The following GALP variants were observed in gnomAD, a reference collection of about 807,000 sequenced individuals.
GALP encodes the protein galanin-like peptide.
A neutral mutation model predicts 15.2 loss-of-function variants in GALP; 12 were observed. The observed-to-expected ratio is 0.79, with a 90% CI of 0.51 to 1.28. The LOEUF is 1.28. GALP is among the 50% of genes most tolerant of loss of function. GALP has a pLI of 0.00. For missense variants in GALP, 161 were observed against 145.6 expected, an observed-to-expected ratio of 1.11 and a Z score of -0.55; for synonymous variants, 58 against 55.1, an observed-to-expected ratio of 1.05 and a Z score of -0.23.
intron 5 of GALP, among the ~76,000 whole-genome samples, 162 bp from the exon 6 acceptor site, chr19:56,185,053 C>T (rs929915937): frequency 6.6e-6 from 1 of 152,114 alleles, no homozygotes; most frequent in Non-Finnish European, 1.5e-5. Context: ...GTAATCCCAG[C>T]ACTTTGGGAG....
intron 2 of GALP, among the ~76,000 whole-genome samples, chr19:56,178,521 C>CAAAAAAAAAAAAAAAAAAAA (rs80223966): frequency 8.2e-5 from 7 of 85,772 alleles, no homozygotes; most frequent in South Asian, 4.9e-4. Flanking sequence ...ACAACAACAA[C>CAAAAAAAAAAAAAAAAAAAA]AAAAAAAAAA....
Position 56,185,295 on chromosome 19 carries a change from C to A in GALP, c.*25C>A, listed in dbSNP as rs779405237. ...GATGTCTTCAAATCCCTGTTCCTAT[C>A]CTTCTTCTCCAGCTCCTCCTGCTCC... On this transcript the variant is annotated 3_prime_UTR_variant, in exon 6 of 6. Coordinates refer to ENST00000357330, the MANE Select transcript of GALP (RefSeq NM_033106.4). 1.0e-5 allele frequency: 15 copies of A among 1,480,734 alleles called. No homozygotes were observed. The highest frequency in any genetic ancestry group is 1.4e-5 in the Non-Finnish European group (15 of 1,066,046). The allele number at this position is 1,480,734 out of a possible 1,614,324, so 91.7% of individuals were successfully genotyped here.
At chr19:56,181,304 T>C (rs2032563070) in intron 3 of GALP, among the ~76,000 whole-genome samples, 1 of 151,864 alleles carries the variant, frequency 6.6e-6, no homozygotes, top group African/African-American at 2.4e-5. Flanking sequence ...CATCCGAGAA[T>C]GTTGTGAGGA....
intron 3 of GALP, among the ~76,000 whole-genome samples, chr19:56,181,101 CA>C (rs1476540443): frequency 6.6e-6 from 1 of 151,244 alleles, no homozygotes; most frequent in Non-Finnish European, 1.5e-5. Context: ...CTAATTTTTG[CA>C]TTTTTAGTAG....
In GALP at chr19:56,183,225, AAC is replaced by A. The variant is rs997483920; in HGVS notation, c.295+17_295+18del. On this transcript the variant is annotated intron_variant, in intron 5 of 5. Transcript: ENST00000357330. The stretch of plus-strand genomic sequence containing the variant: ...CCAGAGATTGGAGGTAAAGCCAGGA[AAC>A]ACAGAAGAGAGACACCGACAGGAGA... The A allele has an allele frequency of 1.3e-6, 2 of 1,599,666 alleles. No individual in the cohort carries two copies. The highest frequency in any genetic ancestry group is 2.7e-5 in the African/African-American group (2 of 74,658).
chr19:56,180,911 CTTTCTTTTT>C (rs1270295802), intron 3 of GALP, among the ~76,000 whole-genome samples: 8 of 90,664 alleles, frequency 8.8e-5, no homozygotes, highest in East Asian at 5.1e-4. Context: ...TTCTTTCTTT[CTTTCTTTTT>C]TTTTTTTTTT....
intron 2 of GALP, among the ~76,000 whole-genome samples, chr19:56,180,298 A>G (rs929713926): frequency 6.6e-6 from 1 of 152,218 alleles, no homozygotes; most frequent in African/African-American, 2.4e-5. Flanking sequence ...TTCATCCTGC[A>G]TAACTGAAAT....
At chr19:56,180,321 A>G (rs1223542644) in intron 2 of GALP, among the ~76,000 whole-genome samples, 1 of 152,210 alleles carries the variant, frequency 6.6e-6, no homozygotes, top group Non-Finnish European at 1.5e-5. Flanking sequence ...TACCTGTTGA[A>G]GAACAATTCC....
At chr19:56,184,484 CTT>C (rs11414322) in intron 5 of GALP, among the ~76,000 whole-genome samples, 9 of 117,664 alleles carry the variant, frequency 7.6e-5, no homozygotes, top group Non-Finnish European at 9.9e-5. Flanking sequence ...TTTTCTTTTT[CTT>C]TTTTTTTTTT....
intron 5 of GALP, among the ~76,000 whole-genome samples, 186 bp from the exon 6 acceptor site, chr19:56,185,029 G>A (rs985877303): frequency 3.3e-5 from 5 of 152,096 alleles, no homozygotes; most frequent in Admixed American, 3.3e-4. Context: ...GGCCAGGCAC[G>A]GTGGCTCACG....
At chr19:56,182,332 T>C (rs2032581256) in intron 4 of GALP, 80 bp downstream of exon 4, 5 of 1,020,428 alleles carry the variant, frequency 4.9e-6, no homozygotes, top group Non-Finnish European at 6.1e-6. Context: ...CTGGTAGATG[T>C]GAGCTCCAGC....
At chr19:56,182,087 G>A (rs1248536308) in intron 3 of GALP, 85 bp from the exon 4 acceptor site, 2 of 955,150 alleles carry the variant, frequency 2.1e-6, no homozygotes, top group African/African-American at 3.2e-5. Context: ...CGTCCGGTGA[G>A]CCATGCTGTT....
At chr19:56,181,016 C>T (rs2032558899) in intron 3 of GALP, among the ~76,000 whole-genome samples, 1 of 150,686 alleles carries the variant, frequency 6.6e-6, no homozygotes, top group Non-Finnish European at 1.5e-5. Context: ...CCTCCGCCGC[C>T]CGAGTAGTTT....
At chr19:56,180,915 CTTTTTTTTTTTTT>C (rs1174325788) in intron 3 of GALP, among the ~76,000 whole-genome samples, 2 of 40,130 alleles carry the variant, frequency 5.0e-5, no homozygotes, top group Admixed American at 7.1e-4. Flanking sequence ...TTCTTTCTTT[CTTTTTTTTTTTTT>C]TTTTTTTTTG....
chr19:56,184,270 A>G (rs1055025822), intron 5 of GALP, among the ~76,000 whole-genome samples: 14 of 152,016 alleles, frequency 9.2e-5, no homozygotes, highest in Non-Finnish European at 1.9e-4. Context: ...TGTATTGTTC[A>G]CTGCCTAGCA....
chr19:56,179,546 C>T (rs1167123216), intron 2 of GALP, among the ~76,000 whole-genome samples: 1 of 151,560 alleles, frequency 6.6e-6, no homozygotes, highest in Non-Finnish European at 1.5e-5. Flanking sequence ...TCTCGATCTC[C>T]TGACCTCGTG....
chr19:56,181,346 T>C (rs1175256914), intron 3 of GALP, among the ~76,000 whole-genome samples: 1 of 151,068 alleles, frequency 6.6e-6, no homozygotes. Context: ...AGCTGGTGTG[T>C]AGTGGGTGCT....
intron 4 of GALP, among the ~76,000 whole-genome samples, chr19:56,182,915 CT>C (rs756276029): frequency 1.2e-4 from 19 of 152,030 alleles, no homozygotes; most frequent in Non-Finnish European, 2.2e-4. Context: ...TATAGGAAAA[CT>C]TGTGTCACGG....
chr19:56,185,570 C>G lies in GALP; in HGVS notation c.*300C>G. 1 of 251,710 alleles carries G rather than the reference C, an allele frequency of 4.0e-6. No individual in the cohort carries two copies. Among genetic ancestry groups the G allele is most frequent in the Non-Finnish European group, 7.5e-6 (1 of 133,646 alleles). 15.6% of individuals were successfully genotyped at this position (251,710 alleles called of 1,614,324 possible). A position where few individuals can be genotyped will look rare whatever the true frequency, so the allele number is the denominator to read the frequency against. On this transcript the variant is annotated 3_prime_UTR_variant, in exon 6 of 6. Transcript: ENST00000357330. The stretch of plus-strand genomic sequence containing the variant: ...GCAACACATTTAAAGGAATTGTGTT[C>G]TTTTGGAATCATCCCAATTATAACA...
Sources: gnomAD v4.1 joint callset for allele counts (sites outside exome capture counted in the v4.1 genomes callset) on GRCh38, gnomAD v4.1.1 for gene constraint, MANE v1.5 for transcripts, NCBI Gene and HGNC (gene_info 2026-07-23, HGNC 2026-07-21) for gene names.